Variants in PCDH9 observed in about 807,000 individuals in gnomAD.
PCDH9 encodes protocadherin-9.
In PCDH9, 24 loss-of-function variants were observed where a neutral mutation model predicts 70.6. That is an observed-to-expected ratio of 0.34 (90% CI 0.25 to 0.48). The LOEUF is 0.48. PCDH9 is among the 20% of genes least tolerant of loss of function. PCDH9 has a pLI of 0.99. For missense variants in PCDH9, 1,281 were observed against 1,503.6 expected, an observed-to-expected ratio of 0.85 and a Z score of 2.45; for synonymous variants, 562 against 558.5, an observed-to-expected ratio of 1.01 and a Z score of -0.09.
At chr13:66,423,664 G>C (rs186323452) in intron 4 of PCDH9, among the ~76,000 whole-genome samples, 1 of 152,130 alleles carries the variant, frequency 6.6e-6, no homozygotes, top group African/African-American at 2.4e-5. Context: ...ACTAGGTATT[G>C]AGGGAACATA....
At chr13:66,778,614 T>C (rs1301987603) in intron 3 of PCDH9, among the ~76,000 whole-genome samples, 3 of 152,194 alleles carry the variant, frequency 2.0e-5, no homozygotes, top group Admixed American at 6.5e-5. Flanking sequence ...TACACTGAGG[T>C]TATATAACTA....
At position 66,930,016 on chromosome 13, in the gene PCDH9, A is replaced by G. The variant is rs374707182; in HGVS notation, c.3037-26411T>C. 1.2e-3 allele frequency among the ~76,000 whole-genome samples: 185 copies of G among 152,254 alleles called. 8 individuals are homozygous for G. The South Asian group carries it at 0.038, about 31-fold the overall frequency. On this transcript the variant is annotated intron_variant, in intron 2 of 4. Transcript: ENST00000377865. Reference sequence around the variant, plus strand: ...CAGAGAATTTTATCTCTGCCTTCTGATTATCTATATTAATAAGAAACCAGT... The same window carrying G: ...CAGAGAATTTTATCTCTGCCTTCTGGTTATCTATATTAATAAGAAACCAGT...
chr13:66,403,455 A>C (rs1213356780), intron 4 of PCDH9, among the ~76,000 whole-genome samples: 2 of 152,146 alleles, frequency 1.3e-5, no homozygotes, highest in East Asian at 3.8e-4. Context: ...GAAATAAGTT[A>C]AATATGCTTG....
chr13:66,901,113 T>A (rs1224224242), intron 3 of PCDH9, among the ~76,000 whole-genome samples: 3 of 151,558 alleles, frequency 2.0e-5, no homozygotes, highest in African/African-American at 4.8e-5. Flanking sequence ...TAGAATGTTT[T>A]AAAAAAAACT....
intron 4 of PCDH9, among the ~76,000 whole-genome samples, chr13:66,407,700 C>T (rs369715727): frequency 1.3e-5 from 2 of 152,096 alleles, no homozygotes; most frequent in African/African-American, 4.8e-5. Flanking sequence ...ATTTTTAACA[C>T]GAAAACTTAT....
intron 3 of PCDH9, among the ~76,000 whole-genome samples, chr13:66,754,174 G>A (rs111449220): frequency 2.5e-3 from 378 of 152,142 alleles, no homozygotes; most frequent in Non-Finnish European, 4.4e-3. Context: ...GTTGAACAAT[G>A]AGAACACATA....
At chr13:66,769,654 G>C (rs1481225685) in intron 3 of PCDH9, among the ~76,000 whole-genome samples, 15 of 152,102 alleles carry the variant, frequency 9.9e-5, no homozygotes, top group Non-Finnish European at 2.9e-5. Context: ...TTCTGCAATG[G>C]AAGTTAAAAT....
chr13:67,126,137 G>C (rs2086975400), intron 2 of PCDH9, among the ~76,000 whole-genome samples: 1 of 152,092 alleles, frequency 6.6e-6, no homozygotes, highest in African/African-American at 2.4e-5. Flanking sequence ...GACACCATTT[G>C]GTTCCAGAGC....
chr13:66,968,713 A>G (rs1203851524), intron 2 of PCDH9, among the ~76,000 whole-genome samples: 1 of 152,064 alleles, frequency 6.6e-6, no homozygotes, highest in Non-Finnish European at 1.5e-5. Context: ...AAATAGTCCA[A>G]GTACAAATGC....
chr13:66,557,196 G>A (rs547740059), intron 4 of PCDH9, among the ~76,000 whole-genome samples: 6 of 152,152 alleles, frequency 3.9e-5, no homozygotes, highest in Non-Finnish European at 8.8e-5. Context: ...GCAAATGAAT[G>A]TATTTTTTGT....
chr13:67,177,700 A>G (rs2088502238), intron 2 of PCDH9, among the ~76,000 whole-genome samples: 1 of 152,042 alleles, frequency 6.6e-6, no homozygotes, highest in African/African-American at 2.4e-5. Context: ...CAAGCGTTCA[A>G]ATACTATTTG....
chr13:66,537,377 C>A (rs147789189), intron 4 of PCDH9, among the ~76,000 whole-genome samples: 2,394 of 152,078 alleles, frequency 0.016, 54 homozygotes, highest in African/African-American at 0.053. Flanking sequence ...AATTGGTATA[C>A]ATATTTTGAT....
chr13:66,493,546 C>T (rs1566368370), intron 4 of PCDH9, among the ~76,000 whole-genome samples: 2 of 151,984 alleles, frequency 1.3e-5, no homozygotes, highest in South Asian at 4.2e-4. Flanking sequence ...TATTTTAAAC[C>T]ATGAAATGTG....
chr13:66,361,966 G>T (rs1391596013), intron 4 of PCDH9, among the ~76,000 whole-genome samples: 1 of 151,994 alleles, frequency 6.6e-6, no homozygotes, highest in African/African-American at 2.4e-5. Flanking sequence ...TACTAATTTT[G>T]TAATATCATA....
intron 4 of PCDH9, among the ~76,000 whole-genome samples, chr13:66,607,639 A>G (rs2077238079): frequency 1.3e-5 from 2 of 152,126 alleles, no homozygotes; most frequent in Admixed American, 1.3e-4. Context: ...CTGTATTCTC[A>G]TAGTACCAAT....
At chr13:66,860,330 TGGCTGGGGGAGGGGAGG>T (rs1317196801) in intron 3 of PCDH9, among the ~76,000 whole-genome samples, 3 of 146,444 alleles carry the variant, frequency 2.0e-5, no homozygotes, top group Non-Finnish European at 4.5e-5. Flanking sequence ...TGTGCTTTAT[TGGCTGGGGGAGGGGAGG>T]GGTGGTGGAG....
chr13:66,934,850 A>G (rs2082887313), intron 2 of PCDH9, among the ~76,000 whole-genome samples: 1 of 143,784 alleles, frequency 7.0e-6, no homozygotes, highest in Admixed American at 7.0e-5. Flanking sequence ...CCTCCCGAGT[A>G]GCTGGGACTA....
At chr13:67,133,096 C>T (rs544783625) in intron 2 of PCDH9, among the ~76,000 whole-genome samples, 1 of 152,090 alleles carries the variant, frequency 6.6e-6, no homozygotes, top group South Asian at 2.1e-4. Context: ...AGACTGTCTA[C>T]GGGCCTTCCT....
At chr13:66,383,576 A>G (rs181933852) in intron 4 of PCDH9, among the ~76,000 whole-genome samples, 3 of 152,322 alleles carry the variant, frequency 2.0e-5, no homozygotes, top group South Asian at 2.1e-4. Flanking sequence ...ATACATTGTA[A>G]TCATGGTTTT....
Sources: gnomAD v4.1 joint callset for allele counts (sites outside exome capture counted in the v4.1 genomes callset) on GRCh38, gnomAD v4.1.1 for gene constraint, MANE v1.5 for transcripts, NCBI Gene and HGNC (gene_info 2026-07-23, HGNC 2026-07-21) for gene names.